Variants in EEA1 observed in about 807,000 individuals in gnomAD.
EEA1 encodes the protein early endosome antigen 1, also known as early endosome antigen 1, 162kD.
A neutral mutation model predicts 209.2 loss-of-function variants in EEA1; 111 were observed. The observed-to-expected ratio is 0.53, with a 90% confidence interval of 0.45 to 0.62. EEA1 has a LOEUF of 0.62. Among genes scored for constraint, EEA1 ranks in the 20% least tolerant of loss-of-function variants. The pLI is 0.00. For synonymous variants in EEA1, 536 were observed against 540.6 expected, an observed-to-expected ratio of 0.99 and a Z score of 0.12; for missense variants, 1,343 against 1,530.8, an observed-to-expected ratio of 0.88 and a Z score of 2.05.
intron 13 of EEA1, 109 bp from the exon 14 acceptor site, chr12:92,819,620 AT>A: frequency 2.7e-6 from 2 of 734,456 alleles, no homozygotes; most frequent in Non-Finnish European, 2.1e-6. Context: ...TCAGTCTTAC[AT>A]TTTTTAAAAC....
At chr12:92,842,993 C>T (rs1286500823) in intron 9 of EEA1, among the ~76,000 whole-genome samples, 1 of 152,100 alleles carries the variant, frequency 6.6e-6, no homozygotes, top group Non-Finnish European at 1.5e-5. Context: ...TATATACAAA[C>T]ATGCAACACA....
At chr12:92,912,325 C>G (rs556920613) in intron 1 of EEA1, among the ~76,000 whole-genome samples, 2 of 149,630 alleles carry the variant, frequency 1.3e-5, no homozygotes, top group Admixed American at 6.6e-5. Context: ...TTATGTAATC[C>G]TCCCCTACAT....
At chr12:92,803,025 A>C (rs1358770331) in intron 18 of EEA1, among the ~76,000 whole-genome samples, 1 of 152,072 alleles carries the variant, frequency 6.6e-6, no homozygotes, top group Non-Finnish European at 1.5e-5. Flanking sequence ...ACTAATCCCG[A>C]GGAAAAAAAC....
chr12:92,814,993 A>G (rs529398781), intron 15 of EEA1, among the ~76,000 whole-genome samples: 1 of 152,338 alleles, frequency 6.6e-6, no homozygotes, highest in East Asian at 1.9e-4. Context: ...TTTATTAATA[A>G]TATCACTTAA....
At chr12:92,856,188 G>A (rs1450710333) in intron 5 of EEA1, among the ~76,000 whole-genome samples, 1 of 152,114 alleles carries the variant, frequency 6.6e-6, no homozygotes, top group Non-Finnish European at 1.5e-5. Flanking sequence ...TTGCTGAAGG[G>A]TAACTACTTT....
chr12:92,915,358 C>A (rs1266266365), intron 1 of EEA1, among the ~76,000 whole-genome samples: 2 of 152,080 alleles, frequency 1.3e-5, no homozygotes, highest in Non-Finnish European at 2.9e-5. Context: ...ATCCCAGCTA[C>A]TAGGGAGGCT....
intron 9 of EEA1, among the ~76,000 whole-genome samples, chr12:92,848,721 CCTTTTTT>C (rs1317646569): frequency 8.0e-6 from 1 of 124,268 alleles, no homozygotes; most frequent in Non-Finnish European, 1.7e-5. Context: ...TATATTCTCA[CCTTTTTT>C]TTTTTTTTTT....
chr12:92,849,120 G>T (rs554367654), intron 9 of EEA1, among the ~76,000 whole-genome samples: 1 of 152,184 alleles, frequency 6.6e-6, no homozygotes, highest in South Asian at 2.1e-4. Flanking sequence ...ACTTGCAGCT[G>T]GAATAAGTCA....
At chr12:92,861,313 G>A (rs761072114) in intron 3 of EEA1, among the ~76,000 whole-genome samples, 14 of 152,088 alleles carry the variant, frequency 9.2e-5, no homozygotes, top group Non-Finnish European at 1.9e-4. Context: ...AAATTAGCCG[G>A]GCGTGGTGGC....
rs373805404 is a variant in EEA1 at position 92,864,850 on chromosome 12, C to A, written c.245+10G>T. 5.3e-5 allele frequency: 83 copies of A among 1,568,644 alleles called. No homozygotes were observed. Among genetic ancestry groups the A allele is most frequent in the Non-Finnish European group, 6.9e-5 (80 of 1,161,364 alleles). On this transcript the variant is annotated intron_variant, in intron 3 of 28. Transcript: ENST00000322349. ...CCATAACATTATACTTCAAAATTATCATACCGTACCGCTTCAAAGCAAGAT... is the reference window on the plus strand; with the variant it reads ...CCATAACATTATACTTCAAAATTATAATACCGTACCGCTTCAAAGCAAGAT...
intron 5 of EEA1, among the ~76,000 whole-genome samples, chr12:92,855,008 A>C (rs1405685475): frequency 6.6e-6 from 1 of 152,216 alleles, no homozygotes; most frequent in Non-Finnish European, 1.5e-5. Context: ...TAAACCATGC[A>C]ATTCATGAAA....
rs577086182 is a variant in EEA1, at chr12:92,774,595, A to C, written c.*1416T>G. 12 of 151,828 alleles carry C rather than the reference A, an allele frequency of 7.9e-5. No individual in the cohort carries two copies. Among genetic ancestry groups the C allele is most frequent in the Non-Finnish European group, 1.5e-4 (10 of 67,636 alleles). 9.4% of individuals were successfully genotyped at this position (151,828 alleles called of 1,614,324 possible). On this transcript the variant is annotated 3_prime_UTR_variant, in exon 29 of 29. Transcript: ENST00000322349. ...TTTCCAAATTAATAAGACTATGCTAAATTAAAGTTCGATTCCATTGTTCAG... is the reference window on the plus strand; with the variant it reads ...TTTCCAAATTAATAAGACTATGCTACATTAAAGTTCGATTCCATTGTTCAG...
At chr12:92,783,882 T>C (rs933503422) in intron 22 of EEA1, among the ~76,000 whole-genome samples, 5 of 151,926 alleles carry the variant, frequency 3.3e-5, no homozygotes, top group African/African-American at 9.7e-5. Flanking sequence ...CAAAGGATCC[T>C]TGCTGAGTAG....
At chr12:92,925,604 A>G (rs556272283) in intron 1 of EEA1, among the ~76,000 whole-genome samples, 1 of 152,370 alleles carries the variant, frequency 6.6e-6, no homozygotes, top group African/African-American at 2.4e-5. Flanking sequence ...CTAACCATCA[A>G]GTACTTTAAA....
At chr12:92,776,809 T>C (rs777039906) in intron 28 of EEA1, 35 bp downstream of exon 28, 1 of 1,562,108 alleles carries the variant, frequency 6.4e-7, no homozygotes, top group Non-Finnish European at 8.8e-7. Flanking sequence ...ACAAATGAAA[T>C]CCAGAAACAT....
At chr12:92,787,239 C>A (rs1874174526) in intron 22 of EEA1, among the ~76,000 whole-genome samples, 1 of 152,082 alleles carries the variant, frequency 6.6e-6, no homozygotes, top group African/African-American at 2.4e-5. Flanking sequence ...CTGGCTGAAT[C>A]CTCTGTGAGA....
chr12:92,876,903 T>C (rs577998585), intron 2 of EEA1, among the ~76,000 whole-genome samples: 2 of 149,256 alleles, frequency 1.3e-5, no homozygotes, highest in South Asian at 4.2e-4. Context: ...TTAGACTTTA[T>C]TCTAAGGACA....
chr12:92,847,592 T>C (rs1877438059), intron 9 of EEA1, among the ~76,000 whole-genome samples: 1 of 152,104 alleles, frequency 6.6e-6, no homozygotes, highest in African/African-American at 2.4e-5. Flanking sequence ...ACACACAATA[T>C]GGCAAAATTA....
chr12:92,839,336 C>G (rs922208664), intron 10 of EEA1, among the ~76,000 whole-genome samples: 21 of 152,120 alleles, frequency 1.4e-4, no homozygotes, highest in Admixed American at 1.3e-3. Flanking sequence ...TCCACTGACT[C>G]GGTTTCAGAT....
Sources: gnomAD v4.1 joint callset for allele counts (sites outside exome capture counted in the v4.1 genomes callset) on GRCh38, gnomAD v4.1.1 for gene constraint, MANE v1.5 for transcripts, NCBI Gene and HGNC (gene_info 2026-07-23, HGNC 2026-07-21) for gene names.